The following APBB1 variants were observed in gnomAD, a reference collection of about 807,000 sequenced individuals.
The protein encoded by APBB1 is amyloid beta precursor protein binding family B member 1, also known as adaptor protein FE65a2.
In APBB1, 22 loss-of-function variants were observed where a neutral mutation model predicts 78.4. That is an observed-to-expected ratio of 0.28 (90% CI 0.20 to 0.40). The LOEUF (loss-of-function observed/expected upper bound fraction) is 0.40. Ranked by LOEUF, APBB1 falls within the 10% of genes least tolerant of loss-of-function variation. The pLI, the probability that APBB1 is intolerant of heterozygous loss-of-function variation, is 1.00. For missense variants in APBB1, 749 were observed against 932.4 expected, an observed-to-expected ratio of 0.80 and a Z score of 2.56; for synonymous variants, 369 against 372.7, an observed-to-expected ratio of 0.99 and a Z score of 0.12.
chr11:6,405,538 C>G, intron 2 of APBB1: 4 of 986,036 alleles, frequency 4.1e-6, no homozygotes, highest in Non-Finnish European at 4.8e-6. Context: ...CAGGCAGTCC[C>G]AAGACCCTGC....
In APBB1 at chr11:6,404,807, C is replaced by T. The variant is rs1474072475; in HGVS notation, c.722-985G>A. ...GTCCTGGGAGAACATGGCGCTCATT[C>T]CCGGCCCCTCCTGCCTCCACCCTCC... On this transcript the variant is annotated intron_variant, in intron 2 of 14. Transcript: ENST00000609360. 3.3e-6 allele frequency: 5 copies of T among 1,535,996 alleles called. No homozygotes were observed. The East Asian group carries it at 7.3e-5, about 23-fold the overall frequency.
Position 6,411,296 on chromosome 11 carries a change from C to T in APBB1, c.52G>A (p.Gly18Arg), listed in dbSNP as rs747954469. 42 of 1,565,374 alleles carry T rather than the reference C, an allele frequency of 2.7e-5. No homozygotes were observed. Among genetic ancestry groups the T allele is most frequent in the South Asian group, 7.2e-5 (6 of 83,428 alleles). Residue 18 changes from glycine to arginine, a missense_variant, in exon 2 of 15, where the codon GGA (glycine) becomes AGA (arginine). Gly to Arg is a moderately radical substitution (Grantham distance 125, BLOSUM62 -2). Coordinates refer to ENST00000609360, the MANE Select transcript of APBB1 (RefSeq NM_001164.5). The surrounding 1 kb of genome is among the most constrained non-coding windows in gnomAD (Gnocchi z 5.2). ...SQSAINANSH[G>R]GPALSLPLPL... is the part of the protein sequence containing the mutation. The stretch of plus-strand genomic sequence containing the variant: ...AGGGGTAGGCTCAGTGCGGGGCCTC[C>T]GTGGCTGTTGGCATTAATGGCCGAC...
At chr11:6,400,501 C>T (rs1375317847) in intron 12 of APBB1, among the ~76,000 whole-genome samples, 2 of 150,500 alleles carry the variant, frequency 1.3e-5, no homozygotes, top group East Asian at 3.9e-4. Context: ...AAGATCACGC[C>T]ACCGCACTCC....
At chr11:6,402,293 G>A (rs1231854888) in intron 7 of APBB1, 84 bp from the exon 8 acceptor site, 6 of 1,564,834 alleles carry the variant, frequency 3.8e-6, no homozygotes, top group South Asian at 3.6e-5. Flanking sequence ...GGGGATGTTA[G>A]CCACAGCTCT....
At chr11:6,408,069 G>A (rs60252635) in intron 2 of APBB1, among the ~76,000 whole-genome samples, 2,179 of 152,268 alleles carry the variant, frequency 0.014, 59 homozygotes, top group African/African-American at 0.049. Flanking sequence ...GTGAGCCACC[G>A]CGCCCGGCCT....
chr11:6,405,177 C>A lies in APBB1; in HGVS notation c.722-1355G>T, dbSNP rs372042268. 30 of 1,153,626 alleles carry A rather than the reference C, an allele frequency of 2.6e-5. No homozygotes were observed. In the South Asian group the frequency reaches 6.9e-4, roughly 26 times the overall value. 71.5% of individuals were successfully genotyped at this position (1,153,626 alleles called of 1,614,324 possible). ...CCAGTCTTAGGGATACCAGGAGACTCAGCCCCTAAGGAATACCCCAGCTGC... is the reference window on the plus strand; with the variant it reads ...CCAGTCTTAGGGATACCAGGAGACTAAGCCCCTAAGGAATACCCCAGCTGC... On this transcript the variant is annotated intron_variant, in intron 2 of 14. Coordinates refer to ENST00000609360, the MANE Select transcript of APBB1 (RefSeq NM_001164.5).
At chr11:6,413,631 CTT>C (rs202207870) in intron 1 of APBB1, among the ~76,000 whole-genome samples, 2 of 146,144 alleles carry the variant, frequency 1.4e-5, no homozygotes, top group African/African-American at 2.5e-5. Context: ...TTTTGTAATT[CTT>C]TTTTTTTTTT....
chr11:6,396,975 GATCA>G (rs1381032100), intron 12 of APBB1, among the ~76,000 whole-genome samples: 3 of 152,244 alleles, frequency 2.0e-5, no homozygotes, highest in Admixed American at 6.5e-5. Flanking sequence ...CTGACTTTCA[GATCA>G]ATCAACTTTC....
At chr11:6,412,848 C>T (rs1325559692) in intron 1 of APBB1, among the ~76,000 whole-genome samples, 4 of 152,144 alleles carry the variant, frequency 2.6e-5, no homozygotes, top group South Asian at 2.1e-4. Flanking sequence ...TTATGGTGCC[C>T]CAAACAAACT....
chr11:6,399,884 TC>T (rs1422787276), intron 12 of APBB1, among the ~76,000 whole-genome samples: 2 of 151,938 alleles, frequency 1.3e-5, no homozygotes, highest in Non-Finnish European at 2.9e-5. Context: ...ACCCTGATCT[TC>T]CCCCATCCCA....
rs769768168 is a variant in APBB1, at chr11:6,402,693, C to A, written c.1137G>T (p.Glu379Asp). The A allele has an allele frequency of 6.2e-7, 1 of 1,614,164 alleles. No individual in the cohort carries two copies. The highest frequency in any genetic ancestry group is 8.5e-7 in the Non-Finnish European group (1 of 1,180,018). ...CAGGGGCCAGCTCCTCCTCGGTCAT[C>A]TCTACCCAGCCTAGGGAGCGCACGG... ...CFAVRSLGWV[E>D]MTEEELAPGR... is the part of the protein sequence containing the mutation. Residue 379 changes from glutamate to aspartate, a missense_variant, in exon 7 of 15, where the codon GAG becomes GAT. Transcript: ENST00000609360.
chr11:6,402,413 G>A lies in APBB1; in HGVS notation c.1254+163C>T. 1.1e-5 allele frequency: 12 copies of A among 1,083,124 alleles called. No homozygotes were observed. In the South Asian group the frequency reaches 1.7e-4, roughly 15 times the overall value. 67.1% of individuals were successfully genotyped at this position (1,083,124 alleles called of 1,614,324 possible). On this transcript the variant is annotated intron_variant, in intron 7 of 14. Coordinates refer to ENST00000609360, the MANE Select transcript of APBB1 (RefSeq NM_001164.5). ...CCGTTGTTAGGCGACTATCTCCCAA[G>A]GTCCTGGCCTGGGGTCGCTCATCCA...
intron 12 of APBB1, 50 bp from the exon 13 acceptor site, chr11:6,396,265 C>A: frequency 6.9e-7 from 1 of 1,444,278 alleles, no homozygotes; most frequent in South Asian, 1.2e-5. Context: ...GAGGATACCC[C>A]AGCTCTACCC....
intron 2 of APBB1, chr11:6,404,713 C>T: frequency 6.5e-7 from 1 of 1,536,172 alleles, no homozygotes; most frequent in Non-Finnish European, 8.7e-7. Context: ...AGCCCCACCC[C>T]ACATGAGGCC....
intron 1 of APBB1, among the ~76,000 whole-genome samples, chr11:6,412,766 C>A (rs185178637): frequency 6.6e-6 from 1 of 152,162 alleles, no homozygotes; most frequent in Admixed American, 6.5e-5. Flanking sequence ...AATCAGTCCC[C>A]ATTTCCTCCA....
chr11:6,410,520 G>C (rs1051756419), intron 2 of APBB1, 107 bp downstream of exon 2: 21 of 1,004,732 alleles, frequency 2.1e-5, no homozygotes, highest in Non-Finnish European at 3.0e-5. Context: ...TGTGGCCTCA[G>C]GGTATGGGCT....
intron 12 of APBB1, among the ~76,000 whole-genome samples, chr11:6,396,835 G>T (rs1848256080): frequency 6.6e-6 from 1 of 152,112 alleles, no homozygotes; most frequent in South Asian, 2.1e-4. Flanking sequence ...CCAGAGCCTG[G>T]GTTCTTAGCC....
At chr11:6,396,807 A>AGCTC (rs1309190685) in intron 12 of APBB1, among the ~76,000 whole-genome samples, 2 of 152,176 alleles carry the variant, frequency 1.3e-5, no homozygotes, top group Non-Finnish European at 2.9e-5. Context: ...TGGGGACCTG[A>AGCTC]GCTCAGGCAG....
chr11:6,419,187 G>C (rs1849198265), upstream of APBB1: 2 of 321,030 alleles, frequency 6.2e-6, no homozygotes, highest in African/African-American at 2.2e-5. Flanking sequence ...CGGCGGGCGC[G>C]GCACTTGCCG....
Sources: allele counts gnomAD v4.1 joint callset (sites outside exome capture counted in the v4.1 genomes callset), GRCh38; gene constraint gnomAD v4.1.1; non-coding constraint Gnocchi (gnomAD v3.1); transcripts MANE v1.5; gene names NCBI Gene and HGNC (gene_info 2026-07-23, HGNC 2026-07-21).